Variants in CRHR1 observed in about 807,000 individuals in gnomAD.
The protein encoded by CRHR1 is corticotropin releasing hormone receptor 1.
CRHR1 carries 28 observed loss-of-function variants against 56.0 expected under a neutral mutation model. The ratio of observed to expected loss-of-function variants is 0.50; its 90% CI spans 0.37 to 0.69. The LOEUF is 0.69. Among genes scored for constraint, CRHR1 ranks in the 30% least tolerant of loss-of-function variants. The pLI, the probability that CRHR1 is intolerant of heterozygous loss-of-function variation, is 0.00. For missense variants in CRHR1, 376 were observed against 548.0 expected, an observed-to-expected ratio of 0.69 and a Z score of 3.13; for synonymous variants, 195 against 216.5, an observed-to-expected ratio of 0.90 and a Z score of 0.87.
chr17:45,825,556 G>C (rs1477464582), intron 4 of CRHR1: 1 of 154,606 alleles, frequency 6.5e-6, no homozygotes, highest in Non-Finnish European at 1.5e-5. Context: ...TGGGGGTCTG[G>C]TTTGTGGACC....
chr17:45,801,118 TG>T (rs2061613154), intron 1 of CRHR1, among the ~76,000 whole-genome samples: 1 of 152,060 alleles, frequency 6.6e-6, no homozygotes, highest in Admixed American at 6.6e-5. Flanking sequence ...GCCCTGGGGG[TG>T]GGGGTGTGGG....
intron 3 of CRHR1, 142 bp downstream of exon 3, chr17:45,816,724 G>A: frequency 1.5e-6 from 2 of 1,346,014 alleles, no homozygotes; most frequent in Non-Finnish European, 1.0e-6. Flanking sequence ...AAAGGTCAGC[G>A]CTGTATTCTC....
intron 10 of CRHR1, 21 bp from the exon 11 acceptor site, chr17:45,833,693 T>TGGGGGGGCCCCCCCCCC: frequency 6.4e-7 from 1 of 1,571,580 alleles, no homozygotes; most frequent in Non-Finnish European, 8.7e-7. Flanking sequence ...ACTCCGAGCC[T>TGGGGGGGCCCCCCCCCC]CCCCACCCGC....
chr17:45,821,518 G>A (rs1409323533), intron 4 of CRHR1, 78 bp downstream of exon 4: 2 of 1,324,134 alleles, frequency 1.5e-6, no homozygotes, highest in Admixed American at 1.7e-5. Context: ...CTGCTACTTG[G>A]AGTCAGGGAG....
intron 8 of CRHR1, among the ~76,000 whole-genome samples, chr17:45,832,264 G>C (rs970807621): frequency 3.3e-5 from 5 of 152,032 alleles, no homozygotes; most frequent in African/African-American, 9.7e-5. Flanking sequence ...AAAACTGTTT[G>C]GGCTAAAGGA....
chr17:45,793,887 G>A (rs897108775), intron 1 of CRHR1, among the ~76,000 whole-genome samples: 9 of 152,158 alleles, frequency 5.9e-5, no homozygotes, highest in African/African-American at 2.2e-4. Flanking sequence ...AATGCAGAAT[G>A]AAAGAGGAAA....
intron 2 of CRHR1, among the ~76,000 whole-genome samples, chr17:45,812,222 G>A (rs900892895): frequency 3.3e-5 from 5 of 152,198 alleles, no homozygotes; most frequent in Admixed American, 2.6e-4. Context: ...AAAAAAGTCT[G>A]TACGTGTTCA....
intron 2 of CRHR1, 135 bp downstream of exon 2, chr17:45,807,232 G>T: frequency 1.3e-6 from 1 of 777,368 alleles, no homozygotes; most frequent in Admixed American, 2.3e-5. Flanking sequence ...AGGGCTCCAA[G>T]CAATTCTTCA....
intron 1 of CRHR1, among the ~76,000 whole-genome samples, chr17:45,804,300 G>A (rs1006673303): frequency 6.6e-6 from 1 of 152,078 alleles, no homozygotes; most frequent in Non-Finnish European, 1.5e-5. Context: ...CTTGGTCCAG[G>A]GCAGAGAGAC....
chr17:45,802,600 A>AC (rs1269749666), intron 1 of CRHR1, among the ~76,000 whole-genome samples: 2 of 152,200 alleles, frequency 1.3e-5, no homozygotes, highest in Non-Finnish European at 1.5e-5. Flanking sequence ...TGGCACAGGC[A>AC]CAGATTCTGC....
At chr17:45,797,279 C>CTTCCT in intron 1 of CRHR1, among the ~76,000 whole-genome samples, 1 of 133,550 alleles carries the variant, frequency 7.5e-6, no homozygotes, top group South Asian at 2.4e-4. Flanking sequence ...CTTTTTCTTT[C>CTTCCT]TTTCTTTTTT....
chr17:45,820,190 G>A (rs1394692303), intron 3 of CRHR1, among the ~76,000 whole-genome samples: 1 of 152,210 alleles, frequency 6.6e-6, no homozygotes, highest in African/African-American at 2.4e-5. Flanking sequence ...GGAGGCTCCA[G>A]GTGAGATACT....
intron 7 of CRHR1, 137 bp downstream of exon 7, chr17:45,830,707 T>A: frequency 8.1e-7 from 1 of 1,240,600 alleles, no homozygotes; most frequent in Non-Finnish European, 1.1e-6. Context: ...ACGATAGCCC[T>A]CTGCTCCTCT....
intron 1 of CRHR1, among the ~76,000 whole-genome samples, chr17:45,787,307 C>T (rs938892332): frequency 2.0e-5 from 3 of 152,052 alleles, no homozygotes; most frequent in African/African-American, 7.3e-5. Flanking sequence ...CTGAGCACCT[C>T]GGAGTCAGCC....
chr17:45,786,658 A>C (rs867623130), intron 1 of CRHR1, among the ~76,000 whole-genome samples: 3 of 88,512 alleles, frequency 3.4e-5, no homozygotes, highest in Middle Eastern at 5.8e-3. Flanking sequence ...TTTTTTTTTC[A>C]AGACAGGGTC....
At chr17:45,816,351 T>C (rs1288163053) in intron 2 of CRHR1, 112 bp from the exon 3 acceptor site, 1 of 1,420,628 alleles carries the variant, frequency 7.0e-7, no homozygotes, top group African/African-American at 1.4e-5. Flanking sequence ...TGTCCCTAGC[T>C]GGTGTGAGTG....
At position 45,830,869 on chromosome 17, in the gene CRHR1, C is replaced by T; in HGVS notation, c.710-11C>T. The T allele has an allele frequency of 6.2e-7, 1 of 1,613,438 alleles. No individual in the cohort carries two copies. Among genetic ancestry groups the T allele is most frequent in the Non-Finnish European group, 8.5e-7 (1 of 1,179,630 alleles). ...CGCTGAGGGCTCTGTGACAGCCCATCTCTCCCCCAGGTGTGCCCTTCCCCA... is the reference window on the plus strand; with the variant it reads ...CGCTGAGGGCTCTGTGACAGCCCATTTCTCCCCCAGGTGTGCCCTTCCCCA... On this transcript the variant is annotated splice_polypyrimidine_tract_variant and intron_variant, in intron 7 of 12. Transcript: ENST00000314537.
chr17:45,833,160 G>A lies in CRHR1; in HGVS notation c.793G>A (p.Gly265Arg), dbSNP rs2062354602. ...TAGGTGCTGGTTTGGCAAAAGGCCT[G>A]GGGTGTACACCGACTACATCTACCA... ...NEKCWFGKRP[G>R]VYTDYIYQGP... Residue 265 changes from glycine (G) to arginine (R), a missense_variant, in exon 9 of 13, where the codon GGG (glycine) becomes AGG (arginine). Coordinates refer to ENST00000314537, the MANE Select transcript of CRHR1 (RefSeq NM_004382.5). The A allele has an allele frequency of 6.2e-7, 1 of 1,614,060 alleles. No individual in the cohort carries two copies. Among genetic ancestry groups the A allele is most frequent in the Non-Finnish European group, 8.5e-7 (1 of 1,179,960 alleles).
At chr17:45,789,324 C>G (rs2061387858) in intron 1 of CRHR1, among the ~76,000 whole-genome samples, 1 of 151,858 alleles carries the variant, frequency 6.6e-6, no homozygotes, top group Non-Finnish European at 1.5e-5. Context: ...ACAAATCATT[C>G]TTGTCTACCT....
Sources: allele counts gnomAD v4.1 joint callset (sites outside exome capture counted in the v4.1 genomes callset), GRCh38; gene constraint gnomAD v4.1.1; transcripts MANE v1.5; gene names NCBI Gene and HGNC (gene_info 2026-07-23, HGNC 2026-07-21).